RBM6: variants seen among roughly 807,000 people sequenced by gnomAD.
RBM6 encodes the protein RNA binding motif protein 6.
RBM6 carries 23 observed loss-of-function variants against 140.4 expected under a neutral mutation model. The observed-to-expected ratio is 0.16, with a 90% CI of 0.12 to 0.23. The LOEUF (loss-of-function observed/expected upper bound fraction) is 0.23, where lower values mean the gene tolerates loss of function less well. RBM6 is among the 10% of genes least tolerant of loss of function. RBM6 has a pLI of 1.00. For synonymous variants in RBM6, 439 were observed against 475.6 expected (o/e 0.92, Z 1.00); for missense variants, 1,139 against 1,386.7 (o/e 0.82, Z 2.84).
chr3:50,023,742 G>A lies in RBM6; in HGVS notation c.1557+24229G>A, dbSNP rs761395184. Among the ~76,000 whole-genome samples the A allele has an allele frequency of 1.6e-4, 23 of 140,700 alleles. No individual in the cohort carries two copies. In the South Asian group the frequency reaches 4.3e-3, roughly 26 times the overall value. The allele number at this position is 140,700 out of a possible 152,430, so 92.3% of individuals were successfully genotyped here. Reference sequence around the variant, plus strand: ...GTGATCTCAGCTTACTGCAACCTCCGAGTTCAAGTGATTCTCGTGCCTCAG... The same window carrying A: ...GTGATCTCAGCTTACTGCAACCTCCAAGTTCAAGTGATTCTCGTGCCTCAG... On this transcript the variant is annotated intron_variant, in intron 6 of 20. Coordinates refer to ENST00000266022, the MANE Select transcript of RBM6 (RefSeq NM_005777.3).
Position 50,065,038 on chromosome 3 carries a change from A to G in RBM6, c.2594A>G (p.Glu865Gly). The G allele has an allele frequency of 1.9e-6, 3 of 1,612,498 alleles. No homozygotes were observed. Among genetic ancestry groups the G allele is most frequent in the Non-Finnish European group, 2.5e-6 (3 of 1,178,628 alleles). The change falls in exon 16 of 21, where the codon GAA (glutamate) becomes GGA (glycine). Residue 865 changes from glutamate to glycine, a missense_variant. Physicochemically the swap from Glu to Gly is moderately conservative, Grantham distance 98. Transcript: ENST00000266022. ...KKDRGVTRFQ[E>G]NASEGKAPAE... The stretch of plus-strand genomic sequence containing the variant: ...TACCTCTGGTTTGATCAGTTTCAGG[A>G]AAATGCCAGTGAAGGGAAGGCCCCT...
At chr3:50,050,782 T>C (rs894123931) in intron 7 of RBM6, among the ~76,000 whole-genome samples, 4 of 152,176 alleles carry the variant, frequency 2.6e-5, no homozygotes, top group African/African-American at 9.7e-5. Context: ...TGAAATAATA[T>C]CTCATTGTGG....
At chr3:49,993,591 G>A (rs2085928842) in intron 5 of RBM6, among the ~76,000 whole-genome samples, 1 of 151,934 alleles carries the variant, frequency 6.6e-6, no homozygotes, top group Admixed American at 6.6e-5. Context: ...GCAATGAGCC[G>A]AGATTGCGCC....
rs1258875975 is a variant in RBM6, at chr3:49,986,341, T to C, written c.1483+10949T>C. 2.0e-5 allele frequency among the ~76,000 whole-genome samples: 3 copies of C among 151,122 alleles called. No individual in the cohort carries two copies. The East Asian group carries it at 6.1e-4, about 31-fold the overall frequency. ...CTGGTGCGGTGGCTCACGCGTGTGA[T>C]CCCAGCACTTTGGGAGGCCGAGGCA... On this transcript the variant is annotated intron_variant, in intron 5 of 20. Coordinates refer to ENST00000266022, the MANE Select transcript of RBM6 (RefSeq NM_005777.3).
rs1281869868 is a variant in RBM6 at position 50,062,016 on chromosome 3, G to C, written c.2494G>C (p.Glu832Gln). The change falls in exon 15 of 21, where the codon GAA becomes CAA. Residue 832 changes from glutamate to glutamine, a missense_variant. Physicochemically the swap from Glu to Gln is conservative, Grantham distance 29 (BLOSUM62 2). Coordinates refer to ENST00000266022, the MANE Select transcript of RBM6 (RefSeq NM_005777.3). ...PGLPEEEEIK[E>Q]KKPTSQGKSS... The stretch of plus-strand genomic sequence containing the variant: ...ATTACCTGAGGAAGAAGAGATCAAG[G>C]AAAAAAAACCCACCAGTCAAGGAAA... 5 of 1,613,114 alleles carry C rather than the reference G, an allele frequency of 3.1e-6. No homozygotes were observed. Among genetic ancestry groups the C allele is most frequent in the Non-Finnish European group, 4.2e-6 (5 of 1,179,662 alleles).
chr3:50,062,226 C>T lies in RBM6; in HGVS notation c.2586+118C>T, dbSNP rs755640024. On this transcript the variant is annotated intron_variant, in intron 15 of 20. Coordinates refer to ENST00000266022, the MANE Select transcript of RBM6 (RefSeq NM_005777.3). ...GTAACTTTAAAAATACTCTGTCAGC[C>T]GGGCGTGGTGGCTAACGCCTGTAAT... The T allele has an allele frequency of 2.4e-4, 302 of 1,255,810 alleles. 1 individual carries two copies. Among genetic ancestry groups the T allele is most frequent in the Non-Finnish European group, 2.8e-4 (257 of 930,700 alleles). The allele number at this position is 1,255,810 out of a possible 1,614,324, so 77.8% of individuals were successfully genotyped here. A position where few individuals can be genotyped will look rare whatever the true frequency, so the allele number is the denominator to read the frequency against.
At chr3:50,051,408 G>A (rs542860912) in intron 7 of RBM6, among the ~76,000 whole-genome samples, 9 of 152,286 alleles carry the variant, frequency 5.9e-5, no homozygotes, top group South Asian at 2.1e-4. Flanking sequence ...TTGGGAGGCC[G>A]AGGCAGGCGG....
intron 7 of RBM6, among the ~76,000 whole-genome samples, chr3:50,053,025 G>A (rs972115757): frequency 6.8e-6 from 1 of 146,816 alleles, no homozygotes; most frequent in African/African-American, 2.7e-5. Context: ...GTGTGTGTGT[G>A]TGTGTGTGTG....
chr3:50,065,169 G>T, intron 16 of RBM6, 43 bp downstream of exon 16: 1 of 1,495,910 alleles, frequency 6.7e-7, no homozygotes, highest in Non-Finnish European at 9.2e-7. Context: ...CTGGGGCTGG[G>T]GATGGTTCCG....
intron 6 of RBM6, among the ~76,000 whole-genome samples, chr3:50,026,319 G>A (rs2087815649): frequency 6.6e-6 from 1 of 151,260 alleles, no homozygotes; most frequent in Non-Finnish European, 1.5e-5. Flanking sequence ...CTGACCTCAA[G>A]GGATCAACCT....
chr3:49,975,671 T>C (rs1360694997), intron 5 of RBM6, among the ~76,000 whole-genome samples: 1 of 152,224 alleles, frequency 6.6e-6, no homozygotes, highest in Admixed American at 6.5e-5. Flanking sequence ...TATATAATTA[T>C]TAAACTTGCT....
At position 50,057,874 on chromosome 3, in the gene RBM6, C is replaced by T. The variant is rs746467806; in HGVS notation, c.1840C>T (p.Arg614Cys). ...GAAGAGGGAAGAAGGCCAAGAGTCA[C>T]GCTTAGGACATCAAAAGAGAGAAGC... is the stretch of plus-strand genomic sequence containing the variant. ...PRKREEGQES[R>C]LGHQKREAER... The change falls in exon 9 of 21, where the codon CGC becomes TGC. Residue 614 changes from arginine (R) to cysteine (C), a missense_variant. By Grantham distance (180) the Arg-to-Cys change is radical (BLOSUM62 -3). This residue lies in a region of RBM6 where 109 missense variants were observed against 101.9 expected (regional missense o/e 1.07). Coordinates refer to ENST00000266022, the MANE Select transcript of RBM6 (RefSeq NM_005777.3). 8.1e-6 allele frequency: 13 copies of T among 1,613,916 alleles called. No homozygotes were observed. The highest frequency in any genetic ancestry group is 4.5e-5 in the East Asian group (2 of 44,894).
chr3:49,946,537 G>A (rs564738986), intron 1 of RBM6, among the ~76,000 whole-genome samples: 1 of 151,412 alleles, frequency 6.6e-6, no homozygotes, highest in Non-Finnish European at 1.5e-5. Flanking sequence ...ACCGCGCCTG[G>A]CATTTTCTTT....
chr3:50,000,517 T>A (rs1364053693), intron 6 of RBM6, among the ~76,000 whole-genome samples: 2 of 151,434 alleles, frequency 1.3e-5, no homozygotes, highest in African/African-American at 4.9e-5. Flanking sequence ...ACCTCCCTGG[T>A]TCAAGCGATT....
At position 49,968,381 on chromosome 3, in the gene RBM6, AC is replaced by A; in HGVS notation, c.958del (p.His320IlefsTer3). ...NVNRREESTH[D>X]HTIERPAFGI... The stretch of plus-strand genomic sequence containing the variant: ...AACAGGAGAGAAGAATCCACACATG[AC>A]CATACGATAGAAAGGCCTGCTTTTG... On this transcript the variant is annotated frameshift_variant, in exon 3 of 21. Transcript: ENST00000266022. LOFTEE classifies it high-confidence loss of function. 1 of 1,614,206 alleles carries A rather than the reference AC, an allele frequency of 6.2e-7. No homozygotes were observed. The highest frequency in any genetic ancestry group is 8.5e-7 in the Non-Finnish European group (1 of 1,180,036).
chr3:49,998,564 C>T (rs928186095), intron 5 of RBM6, among the ~76,000 whole-genome samples: 4 of 152,190 alleles, frequency 2.6e-5, no homozygotes, highest in Non-Finnish European at 5.9e-5. Flanking sequence ...GTTCAGCAAC[C>T]TATAAATCCC....
intron 6 of RBM6, among the ~76,000 whole-genome samples, chr3:50,000,619 A>C (rs2086282753): frequency 6.6e-6 from 1 of 151,924 alleles, no homozygotes; most frequent in African/African-American, 2.4e-5. Flanking sequence ...GGGTTTCTCC[A>C]TGTTGGTCAG....
At chr3:50,001,287 G>T (rs569094717) in intron 6 of RBM6, among the ~76,000 whole-genome samples, 54 of 152,164 alleles carry the variant, frequency 3.5e-4, no homozygotes, top group African/African-American at 1.3e-3. Context: ...AACACAGGGA[G>T]ACCCCATCTC....
At chr3:49,945,591 A>G (rs1251778175) in intron 1 of RBM6, among the ~76,000 whole-genome samples, 5 of 152,066 alleles carry the variant, frequency 3.3e-5, no homozygotes, top group Admixed American at 3.3e-4. Context: ...GTTAGAAGAT[A>G]TCATAAGGGG....
Sources: gnomAD v4.1 joint callset for allele counts (sites outside exome capture counted in the v4.1 genomes callset) on GRCh38, gnomAD v4.1.1 for gene constraint, gnomAD v4.1.1 regional missense constraint, MANE v1.5 for transcripts, NCBI Gene and HGNC (gene_info 2026-07-23, HGNC 2026-07-21) for gene names.